CANX: variants seen among roughly 807,000 people sequenced by gnomAD.
The protein encoded by CANX is epididymis secretory sperm binding protein.
A neutral mutation model predicts 75.7 loss-of-function variants in CANX; 14 were observed. The observed-to-expected ratio is 0.19, with a 90% CI of 0.12 to 0.29. The LOEUF is 0.29. CANX is among the 10% of genes least tolerant of loss of function. CANX has a pLI of 1.00. For missense variants in CANX, 567 were observed against 713.2 expected, an observed-to-expected ratio of 0.79 and a Z score of 2.34; for synonymous variants, 227 against 236.9, an observed-to-expected ratio of 0.96 and a Z score of 0.38.
chr5:179,693,675 A>C (rs1776340944), upstream of CANX, among the ~76,000 whole-genome samples: 1 of 151,894 alleles, frequency 6.6e-6, no homozygotes, highest in Non-Finnish European at 1.5e-5. Context: ...GTCTCAAAAA[A>C]ATAAAATAAA....
At chr5:179,710,180 T>C (rs1175055285) in intron 7 of CANX, 115 bp downstream of exon 7, 1 of 633,160 alleles carries the variant, frequency 1.6e-6, no homozygotes, top group Admixed American at 3.2e-5. Context: ...CCCAGCACTT[T>C]GGGAGGCCGA....
intron 1 of CANX, among the ~76,000 whole-genome samples, chr5:179,684,926 AT>A (rs71001039): frequency 0.082 from 4,022 of 49,002 alleles, 271 homozygotes; most frequent in African/African-American, 0.14. Context: ...CTAATTTTGT[AT>A]TTTTTTTTTT....
chr5:179,724,674 G>A lies in CANX; in HGVS notation c.1536G>A (p.Met512Ile), dbSNP rs751313954. The A allele has an allele frequency of 1.2e-6, 2 of 1,613,602 alleles. No homozygotes were observed. Among genetic ancestry groups the A allele is most frequent in the East Asian group, 2.2e-5 (1 of 44,880 alleles). The stretch of plus-strand genomic sequence containing the variant: ...CATTTCAGAAACAGACCAGTGGTAT[G>A]GAGTATAAGAAAACTGATGCACCTC... ...CCSGKKQTSG[M>I]EYKKTDAPQP... is the part of the protein sequence containing the mutation. The change falls in exon 13 of 15, where the codon ATG becomes ATA. Residue 512 changes from methionine to isoleucine, a missense_variant. Physicochemically the swap from Met to Ile is conservative, Grantham distance 10. Coordinates refer to ENST00000247461, the MANE Select transcript of CANX (RefSeq NM_001746.4).
intron 14 of CANX, among the ~76,000 whole-genome samples, chr5:179,727,410 C>T (rs375255807): frequency 3.3e-5 from 5 of 152,314 alleles, no homozygotes; most frequent in East Asian, 1.9e-4. Context: ...AAGATGACAT[C>T]GAACCAAACA....
At chr5:179,726,218 C>G (rs967692015) in intron 13 of CANX, among the ~76,000 whole-genome samples, 2 of 151,956 alleles carry the variant, frequency 1.3e-5, no homozygotes, top group African/African-American at 4.8e-5. Context: ...AACCTGGAGG[C>G]AGAGGTTGCA....
At chr5:179,708,822 A>C (rs543472658) in intron 5 of CANX, among the ~76,000 whole-genome samples, 156 bp from the exon 6 acceptor site, 1 of 152,354 alleles carries the variant, frequency 6.6e-6, no homozygotes, top group Non-Finnish European at 1.5e-5. Flanking sequence ...GGCATTTGAT[A>C]ACTATTCAAA....
rs1778899170 is a variant in CANX at position 179,729,974 on chromosome 5, T to A, written c.*1330T>A. On this transcript the variant is annotated 3_prime_UTR_variant, in exon 15 of 15. Coordinates refer to ENST00000247461, the MANE Select transcript of CANX (RefSeq NM_001746.4). ...CACAATAAAGCAGTCCTGTTCAAAT[T>A]TTTTTTTAACGTGGCTTGTAGAATT... is the stretch of plus-strand genomic sequence containing the variant. 1 of 152,424 alleles carries A rather than the reference T, an allele frequency of 6.6e-6. No individual in the cohort carries two copies. Among genetic ancestry groups the A allele is most frequent in the Non-Finnish European group, 1.5e-5 (1 of 67,994 alleles). 9.4% of individuals were successfully genotyped at this position (152,424 alleles called of 1,614,324 possible).
intron 1 of CANX, among the ~76,000 whole-genome samples, chr5:179,682,364 CAGG>C (rs771584915): frequency 6.6e-6 from 1 of 150,900 alleles, no homozygotes; most frequent in Non-Finnish European, 1.5e-5. Flanking sequence ...ATCATGAGGT[CAGG>C]AGATCGAGAT....
upstream of CANX, among the ~76,000 whole-genome samples, chr5:179,695,559 CCT>C (rs1776382314): frequency 1.3e-5 from 2 of 151,654 alleles, no homozygotes; most frequent in Non-Finnish European, 2.9e-5. Context: ...GAACTCCTGA[CCT>C]CAGGTGATCC....
intron 8 of CANX, among the ~76,000 whole-genome samples, chr5:179,718,297 A>G (rs1056792154): frequency 7.6e-5 from 11 of 145,466 alleles, no homozygotes; most frequent in African/African-American, 2.8e-4. Context: ...GTGCCTCAGC[A>G]TCCCAAGTAG....
chr5:179,710,809 T>C (rs1239324074), intron 7 of CANX, among the ~76,000 whole-genome samples: 1 of 151,008 alleles, frequency 6.6e-6, no homozygotes, highest in Non-Finnish European at 1.5e-5. Flanking sequence ...TCCCAGCACT[T>C]TGGGAGGCTG....
At position 179,727,270 on chromosome 5, in the gene CANX, G is replaced by A. The variant is rs956015294; in HGVS notation, c.1725+511G>A. ...ATTCTACTTGGGGGAAACAGGCAAT[G>A]AGCAGTAAACATTTTAAGGAAGTAA... On this transcript the variant is annotated intron_variant, in intron 14 of 14. Coordinates refer to ENST00000247461, the MANE Select transcript of CANX (RefSeq NM_001746.4). 2.6e-5 allele frequency among the ~76,000 whole-genome samples: 4 copies of A among 152,202 alleles called. 1 individual carries two copies. The highest frequency in any genetic ancestry group is 1.3e-4 in the Admixed American group (2 of 15,274).
intron 1 of CANX, among the ~76,000 whole-genome samples, chr5:179,689,379 GTTTTTTTTTTT>G (rs958473912): frequency 1.6e-4 from 13 of 83,676 alleles, no homozygotes; most frequent in South Asian, 5.3e-4. Flanking sequence ...AACCCAACAA[GTTTTTTTTTTT>G]TTTTTTTTTT....
At chr5:179,715,473 C>T (rs919858058) in intron 7 of CANX, among the ~76,000 whole-genome samples, 1 of 151,056 alleles carries the variant, frequency 6.6e-6, no homozygotes, top group Non-Finnish European at 1.5e-5. Context: ...GGGAGGCGGG[C>T]GTTGCAGTTA....
At chr5:179,723,488 G>A in intron 11 of CANX, 172 bp from the exon 12 acceptor site, 1 of 614,022 alleles carries the variant, frequency 1.6e-6, no homozygotes, top group Admixed American at 3.5e-5. Flanking sequence ...ATTATAAGGA[G>A]AGCAAGAGGA....
chr5:179,713,881 C>T (rs770843498), intron 7 of CANX, among the ~76,000 whole-genome samples: 29 of 152,190 alleles, frequency 1.9e-4, no homozygotes, highest in Non-Finnish European at 3.8e-4. Context: ...GGCCACTGCA[C>T]TCCAGCGTGG....
intron 11 of CANX, 103 bp downstream of exon 11, chr5:179,723,122 A>C (rs892511595): frequency 1.1e-6 from 1 of 945,248 alleles, no homozygotes; most frequent in Admixed American, 2.2e-5. Flanking sequence ...CAATATTGGC[A>C]TAAAAAGTAT....
intron 8 of CANX, among the ~76,000 whole-genome samples, chr5:179,718,857 G>T (rs1213061388): frequency 2.0e-5 from 3 of 151,646 alleles, no homozygotes; most frequent in African/African-American, 4.8e-5. Context: ...TAGAGACAGG[G>T]TGTCGTCATA....
intron 13 of CANX, among the ~76,000 whole-genome samples, chr5:179,725,566 G>T (rs535288039): frequency 6.7e-6 from 1 of 149,812 alleles, no homozygotes; most frequent in South Asian, 2.1e-4. Context: ...TGTAGTCCCA[G>T]CTACTCAGGA....
Sources: allele counts gnomAD v4.1 joint callset (sites outside exome capture counted in the v4.1 genomes callset), GRCh38; gene constraint gnomAD v4.1.1; transcripts MANE v1.5; gene names NCBI Gene and HGNC (gene_info 2026-07-23, HGNC 2026-07-21).